The following C16orf74 variants were observed in gnomAD, a reference collection of about 807,000 sequenced individuals.
C16orf74 encodes calcimembrin.
Under a neutral mutation model 6.5 loss-of-function variants are expected in C16orf74, and 10 were observed. The observed-to-expected ratio is 1.54, with a 90% CI of 0.95 to 2.61. The LOEUF is 2.61. Among genes scored for constraint, C16orf74 ranks in the 30% most tolerant of loss-of-function variants. The pLI, the probability that C16orf74 is intolerant of heterozygous loss-of-function variation, is 0.00. For missense variants in C16orf74, 141 were observed against 105.9 expected, an observed-to-expected ratio of 1.33 and a Z score of -1.45; for synonymous variants, 60 against 42.5, an observed-to-expected ratio of 1.41 and a Z score of -1.60.
intron 1 of C16orf74, chr16:85,741,593 T>C (rs1376120048): frequency 5.9e-6 from 1 of 170,362 alleles, no homozygotes; most frequent in Non-Finnish European, 1.5e-5. Flanking sequence ...CACAGCAAGT[T>C]TTCTCATCTC....
intron 1 of C16orf74, among the ~76,000 whole-genome samples, chr16:85,741,265 G>A (rs531632449): frequency 6.6e-6 from 1 of 152,208 alleles, no homozygotes; most frequent in South Asian, 2.1e-4. Flanking sequence ...GCCGAGCAAA[G>A]GATCTGTATT....
At chr16:85,726,529 C>T (rs920688964) in intron 2 of C16orf74, among the ~76,000 whole-genome samples, 14 of 152,092 alleles carry the variant, frequency 9.2e-5, no homozygotes, top group African/African-American at 3.4e-4. Flanking sequence ...CCAGGATCCC[C>T]GCAGGCAGGA....
chr16:85,713,454 G>T (rs1038149522), intron 2 of C16orf74, among the ~76,000 whole-genome samples: 26 of 152,094 alleles, frequency 1.7e-4, no homozygotes, highest in African/African-American at 6.0e-4. Context: ...TGTATTTTTA[G>T]TAGAGACAGG....
At position 85,707,931 on chromosome 16, in the gene C16orf74, C is replaced by T; in HGVS notation, c.*77G>A. On this transcript the variant is annotated 3_prime_UTR_variant, in exon 4 of 4. Transcript: ENST00000284245. ...ATCCAGGGTATTCAGCACACCTGCT[C>T]CAGGCAGCCACGCCCCCGGACACCT... 3.0e-6 allele frequency: 4 copies of T among 1,312,762 alleles called. No individual in the cohort carries two copies. The highest frequency in any genetic ancestry group is 4.3e-6 in the Non-Finnish European group (4 of 937,532). The allele number at this position is 1,312,762 out of a possible 1,614,324, so 81.3% of individuals were successfully genotyped here.
intron 2 of C16orf74, among the ~76,000 whole-genome samples, chr16:85,723,168 G>A (rs1196784650): frequency 1.3e-5 from 2 of 151,066 alleles, no homozygotes; most frequent in African/African-American, 4.9e-5. Context: ...GCTGAGGCAG[G>A]AGAATCACTT....
intron 2 of C16orf74, among the ~76,000 whole-genome samples, chr16:85,723,726 T>C (rs2054105672): frequency 1.3e-5 from 2 of 152,056 alleles, no homozygotes; most frequent in Admixed American, 6.6e-5. Flanking sequence ...GGTTCGAGGG[T>C]GGTGGGGCGT....
At chr16:85,717,530 C>T (rs2054037187) in intron 2 of C16orf74, among the ~76,000 whole-genome samples, 1 of 152,150 alleles carries the variant, frequency 6.6e-6, no homozygotes, top group African/African-American at 2.4e-5. Flanking sequence ...GGGTGTGGGG[C>T]TGCCAAGTGT....
chr16:85,715,302 A>T (rs1294414465), intron 2 of C16orf74, among the ~76,000 whole-genome samples: 1 of 152,138 alleles, frequency 6.6e-6, no homozygotes, highest in Non-Finnish European at 1.5e-5. Context: ...CACCGCCCAG[A>T]CAATCTACTG....
rs1176330942 is a variant in C16orf74, at chr16:85,710,233, C to T, written c.103G>A (p.Val35Met). 9 of 1,497,274 alleles carry T rather than the reference C, an allele frequency of 6.0e-6. No homozygotes were observed. The highest frequency in any genetic ancestry group is 2.9e-5 in the African/African-American group (2 of 68,100). The allele number at this position is 1,497,274 out of a possible 1,614,324, so 92.7% of individuals were successfully genotyped here. ...GGGGGCGTGATGATGATGTCGGGCA[C>T]GTCCAGGTGCTTGTCGTTCAGGACG... is the stretch of plus-strand genomic sequence containing the variant. ...APVLNDKHLD[V>M]PDIIITPPTP... is the part of the protein sequence containing the mutation. Residue 35 changes from valine (V) to methionine (M), a missense_variant, in exon 3 of 4, where the codon GTG becomes ATG. Coordinates refer to ENST00000284245, the MANE Select transcript of C16orf74 (RefSeq NM_206967.3).
intron 2 of C16orf74, among the ~76,000 whole-genome samples, chr16:85,720,590 T>C (rs577923819): frequency 3.3e-5 from 5 of 152,000 alleles, no homozygotes; most frequent in East Asian, 3.9e-4. Context: ...CTGGACAACA[T>C]AGCAAGACCC....
In C16orf74 at chr16:85,708,011, G is replaced by C. The variant is rs778149967; in HGVS notation, c.228C>G (p.Ala76=). 2 of 1,552,646 alleles carry C rather than the reference G, an allele frequency of 1.3e-6. No homozygotes were observed. The highest frequency in any genetic ancestry group is 4.9e-5 in the East Asian group (2 of 40,968). Residue 76 remains alanine, a synonymous_variant, in exon 4 of 4, where the codon GCC becomes GCG. Transcript: ENST00000284245. ...CAGCCAAACCCAGGACACCTCCTCA[G>C]GCTTCTGGGTCGATTTCTCCATCAT... ...CPDDGEIDPE[A] is the part of the protein sequence containing the mutation.
chr16:85,744,178 T>A (rs1183417651), intron 1 of C16orf74: 1 of 135,148 alleles, frequency 7.4e-6, no homozygotes, highest in South Asian at 2.3e-4. Flanking sequence ...TGAGCCGAGA[T>A]TGCGCCATTG....
At chr16:85,729,776 G>C (rs1479814850) in intron 2 of C16orf74, among the ~76,000 whole-genome samples, 1 of 152,170 alleles carries the variant, frequency 6.6e-6, no homozygotes, top group Non-Finnish European at 1.5e-5. Context: ...TGAAGACAGA[G>C]GCAGAGACTG....
At chr16:85,746,155 G>T (rs1237749862) in intron 1 of C16orf74, among the ~76,000 whole-genome samples, 2 of 152,092 alleles carry the variant, frequency 1.3e-5, no homozygotes, top group African/African-American at 4.8e-5. Context: ...TTCAAGACCA[G>T]CCTGGCCAAC....
chr16:85,750,631 C>G (rs1474837961), intron 1 of C16orf74, among the ~76,000 whole-genome samples: 1 of 152,206 alleles, frequency 6.6e-6, no homozygotes, highest in African/African-American at 2.4e-5. Context: ...GCGGGGTGGC[C>G]TGTGGTGAGT....
chr16:85,711,421 C>A (rs1296506982), intron 2 of C16orf74, among the ~76,000 whole-genome samples: 1 of 150,636 alleles, frequency 6.6e-6, no homozygotes, highest in African/African-American at 2.4e-5. Context: ...TGGAGACCAG[C>A]CTGACCAACA....
chr16:85,715,778 A>T (rs1375755200), intron 2 of C16orf74, among the ~76,000 whole-genome samples: 1 of 152,194 alleles, frequency 6.6e-6, no homozygotes, highest in Non-Finnish European at 1.5e-5. Flanking sequence ...GATCTAGGAC[A>T]CACTGGCAAT....
At chr16:85,743,705 G>A (rs2054336349) in intron 1 of C16orf74, 1 of 151,980 alleles carries the variant, frequency 6.6e-6, no homozygotes, top group Non-Finnish European at 1.5e-5. Flanking sequence ...GATCACCTGA[G>A]GTCAGGAGTT....
At chr16:85,722,206 G>A (rs1229980047) in intron 2 of C16orf74, among the ~76,000 whole-genome samples, 1 of 152,088 alleles carries the variant, frequency 6.6e-6, no homozygotes, top group African/African-American at 2.4e-5. Context: ...GTATACTGCA[G>A]TGCTGTCATA....
Sources: gnomAD v4.1 joint callset for allele counts (sites outside exome capture counted in the v4.1 genomes callset) on GRCh38, gnomAD v4.1.1 for gene constraint, MANE v1.5 for transcripts, NCBI Gene and HGNC (gene_info 2026-07-23, HGNC 2026-07-21) for gene names.